The following WDFY1 variants were observed in gnomAD, a reference collection of about 807,000 sequenced individuals.
WDFY1 encodes WD repeat and FYVE domain containing 1.
In WDFY1, 32 loss-of-function variants were observed where a neutral mutation model predicts 56.4. The ratio of observed to expected loss-of-function variants is 0.57; its 90% CI spans 0.43 to 0.76. The LOEUF is 0.76. Among genes scored for constraint, WDFY1 ranks in the 30% least tolerant of loss-of-function variants. The pLI, the probability that WDFY1 is intolerant of heterozygous loss-of-function variation, is 0.00. For missense variants in WDFY1, 480 were observed against 545.7 expected (o/e 0.88, Z 1.20); for synonymous variants, 192 against 197.3 (o/e 0.97, Z 0.23).
Position 223,877,800 on chromosome 2 carries a change from A to T in WDFY1, c.*871T>A, listed in dbSNP as rs1013418019. The T allele has an allele frequency of 3.3e-5, 5 of 152,614 alleles. No homozygotes were observed. Among genetic ancestry groups the T allele is most frequent in the Admixed American group, 1.3e-4 (2 of 15,278 alleles). 9.5% of individuals were successfully genotyped at this position (152,614 alleles called of 1,614,324 possible). A position where few individuals can be genotyped will look rare whatever the true frequency, so the allele number is the denominator to read the frequency against. On this transcript the variant is annotated 3_prime_UTR_variant, in exon 12 of 12. Coordinates refer to ENST00000233055, the MANE Select transcript of WDFY1 (RefSeq NM_020830.5). ...GTAGAATGCTGTTTCAGTTAAGAGGACTGGGCTGTTTCAGGCAACAGACTG... is the reference window on the plus strand; with the variant it reads ...GTAGAATGCTGTTTCAGTTAAGAGGTCTGGGCTGTTTCAGGCAACAGACTG...
At chr2:223,912,904 T>C (rs532357488) in intron 2 of WDFY1, among the ~76,000 whole-genome samples, 57 of 152,170 alleles carry the variant, frequency 3.7e-4, no homozygotes, top group Non-Finnish European at 6.2e-4. Context: ...AAATTCTAAA[T>C]TGTCTTTTAC....
intron 2 of WDFY1, among the ~76,000 whole-genome samples, 183 bp downstream of exon 2, chr2:223,917,760 C>T (rs575062561): frequency 1.8e-4 from 27 of 152,066 alleles, no homozygotes; most frequent in Non-Finnish European, 2.2e-4. Flanking sequence ...TTAGTAGAGA[C>T]GGGCTTTCAC....
chr2:223,880,375 G>A (rs953835721), intron 10 of WDFY1, 143 bp from the exon 11 acceptor site: 4 of 648,558 alleles, frequency 6.2e-6, no homozygotes, highest in African/African-American at 3.6e-5. Context: ...GGGAGGCCGA[G>A]ACGGGTGGAT....
intron 3 of WDFY1, among the ~76,000 whole-genome samples, chr2:223,911,034 ACG>A (rs1320536821): frequency 1.7e-4 from 26 of 152,244 alleles, no homozygotes; most frequent in Non-Finnish European, 7.3e-5. Flanking sequence ...CAACTAATAA[ACG>A]GATCAACCAA....
Position 223,945,132 on chromosome 2 carries a change from T to C in WDFY1, c.137+16A>G. The C allele has an allele frequency of 1.9e-6, 3 of 1,576,768 alleles. No individual in the cohort carries two copies. Among genetic ancestry groups the C allele is most frequent in the Non-Finnish European group, 2.6e-6 (3 of 1,167,746 alleles). Reference sequence around the variant, plus strand: ...GTCGCGGAGTTCGGGCCGCCCCGGCTGCGCCCGGGCCCTACCTGTCCTCGC... The same window carrying C: ...GTCGCGGAGTTCGGGCCGCCCCGGCCGCGCCCGGGCCCTACCTGTCCTCGC... On this transcript the variant is annotated intron_variant, in intron 1 of 11. Transcript: ENST00000233055.
intron 2 of WDFY1, among the ~76,000 whole-genome samples, chr2:223,912,713 G>A (rs1460613976): frequency 1.3e-5 from 2 of 152,166 alleles, no homozygotes; most frequent in Non-Finnish European, 2.9e-5. Flanking sequence ...AAGAGTAGCT[G>A]TGCAAAGATG....
In WDFY1 at chr2:223,897,388, A is replaced by ATTTTT. The variant is rs1474375997; in HGVS notation, c.598+1569_598+1570insAAAAA. On this transcript the variant is annotated intron_variant, in intron 6 of 11. Coordinates refer to ENST00000233055, the MANE Select transcript of WDFY1 (RefSeq NM_020830.5). ...TATATATATATATATATATATATAT[A>ATTTTT]TATTTTTTAAGACGGAGTCTCTCTC... is the stretch of plus-strand genomic sequence containing the variant. Among the ~76,000 whole-genome samples, 214 of 125,054 alleles carry ATTTTT rather than the reference A, an allele frequency of 1.7e-3. 3 individuals are homozygous for ATTTTT. The highest frequency in any genetic ancestry group is 5.8e-3 in the African/African-American group (196 of 33,506). The allele number at this position is 125,054 out of a possible 152,430, so 82.0% of individuals were successfully genotyped here.
intron 1 of WDFY1, among the ~76,000 whole-genome samples, chr2:223,942,546 T>TTTTTTTTTTTTTGA (rs1689326375): frequency 8.9e-6 from 1 of 112,426 alleles, no homozygotes; most frequent in Admixed American, 8.9e-5. Flanking sequence ...TTTTTTTTTT[T>TTTTTTTTTTTTTGA]GAGACGGAGT....
At position 223,877,936 on chromosome 2, in the gene WDFY1, T is replaced by C. The variant is rs1214876898; in HGVS notation, c.*735A>G. 6.6e-6 allele frequency: 1 copy of C among 152,462 alleles called. No individual in the cohort carries two copies. Among genetic ancestry groups the C allele is most frequent in the Non-Finnish European group, 1.5e-5 (1 of 68,010 alleles). 9.4% of individuals were successfully genotyped at this position (152,462 alleles called of 1,614,324 possible). ...CCATGTTAACAGCACCATAAAAAAGTTTTGCCCTAGGAATTTGGGGGAAAG... is the reference window on the plus strand; with the variant it reads ...CCATGTTAACAGCACCATAAAAAAGCTTTGCCCTAGGAATTTGGGGGAAAG... On this transcript the variant is annotated 3_prime_UTR_variant, in exon 12 of 12. Coordinates refer to ENST00000233055, the MANE Select transcript of WDFY1 (RefSeq NM_020830.5).
intron 2 of WDFY1, among the ~76,000 whole-genome samples, chr2:223,916,159 G>T (rs113044075): frequency 1.2e-4 from 19 of 152,160 alleles, no homozygotes; most frequent in Non-Finnish European, 2.1e-4. Flanking sequence ...AGACAAAGAA[G>T]CTGGCCAGCC....
At chr2:223,925,342 C>T (rs13018551) in intron 1 of WDFY1, among the ~76,000 whole-genome samples, 48,797 of 152,006 alleles carry the variant, frequency 0.32, 9,337 homozygotes, top group Non-Finnish European at 0.42. Context: ...CATATGCAAG[C>T]TGTAGTTACA....
At chr2:223,910,441 C>A (rs1693675146) in intron 3 of WDFY1, among the ~76,000 whole-genome samples, 3 of 144,138 alleles carry the variant, frequency 2.1e-5, no homozygotes. Flanking sequence ...TGGACTTCAC[C>A]AAACTTAAAA....
chr2:223,905,654 A>T (rs1198323896), intron 4 of WDFY1, among the ~76,000 whole-genome samples: 1 of 152,216 alleles, frequency 6.6e-6, no homozygotes, highest in Non-Finnish European at 1.5e-5. Flanking sequence ...ATACACACAC[A>T]TACATGTATG....
chr2:223,890,085 A>G (rs1693242244), intron 8 of WDFY1, among the ~76,000 whole-genome samples: 1 of 152,108 alleles, frequency 6.6e-6, no homozygotes, highest in African/African-American at 2.4e-5. Context: ...ACTTCTACCT[A>G]TGGGGGTCTC....
In WDFY1 at chr2:223,908,918, A is replaced by G. The variant is rs929880254; in HGVS notation, c.280-2917T>C. Among the ~76,000 whole-genome samples, 15 of 152,132 alleles carry G rather than the reference A, an allele frequency of 9.9e-5. 1 individual carries two copies. Among genetic ancestry groups the G allele is most frequent in the Admixed American group, 9.8e-4 (15 of 15,268 alleles). ...TCACACACCCAGCCCTGCTTCCCGG[A>G]CAGTTCTTGAGGCCACAGCCTCTTC... is the stretch of plus-strand genomic sequence containing the variant. On this transcript the variant is annotated intron_variant, in intron 3 of 11. Coordinates refer to ENST00000233055, the MANE Select transcript of WDFY1 (RefSeq NM_020830.5).
chr2:223,887,740 T>C (rs960596066), intron 8 of WDFY1, among the ~76,000 whole-genome samples: 3 of 152,206 alleles, frequency 2.0e-5, no homozygotes, highest in Non-Finnish European at 4.4e-5. Context: ...GAGGGAGGAT[T>C]AAATTTTCTA....
intron 8 of WDFY1, 39 bp downstream of exon 8, chr2:223,894,195 G>A: frequency 6.2e-7 from 1 of 1,608,244 alleles, no homozygotes; most frequent in Non-Finnish European, 8.5e-7. Flanking sequence ...GTTCCTGGGG[G>A]TCTCCCCCGA....
chr2:223,880,288 G>A (rs965241757), intron 10 of WDFY1, 56 bp from the exon 11 acceptor site: 3 of 1,522,442 alleles, frequency 2.0e-6, no homozygotes, highest in African/African-American at 2.7e-5. Context: ...AGAGCTAGTG[G>A]GGTAAGCTTT....
intron 1 of WDFY1, among the ~76,000 whole-genome samples, chr2:223,941,158 T>C (rs1295554805): frequency 1.3e-5 from 2 of 152,154 alleles, no homozygotes; most frequent in African/African-American, 4.8e-5. Context: ...GGTTTCACCA[T>C]GTTGGCCAGG....
Sources: allele counts gnomAD v4.1 joint callset (sites outside exome capture counted in the v4.1 genomes callset), GRCh38; gene constraint gnomAD v4.1.1; transcripts MANE v1.5; gene names NCBI Gene and HGNC (gene_info 2026-07-23, HGNC 2026-07-21).